The following ST3GAL1 variants were observed in gnomAD, a reference collection of about 807,000 sequenced individuals.
The protein encoded by ST3GAL1 is ST3 beta-galactoside alpha-2,3-sialyltransferase 1, also known as CMP-N-acetylneuraminate-beta-galactosamide-alpha-2,3-sialyltransferase 1.
In ST3GAL1, 16 loss-of-function variants were observed where a neutral mutation model predicts 34.1. The ratio of observed to expected loss-of-function variants is 0.47; its 90% CI spans 0.32 to 0.71. The LOEUF (loss-of-function observed/expected upper bound fraction) is 0.71, where lower values mean the gene tolerates loss of function less well. ST3GAL1 is among the 30% of genes least tolerant of loss of function. The pLI is 0.04. For synonymous variants in ST3GAL1, 191 were observed against 184.7 expected, an observed-to-expected ratio of 1.03 and a Z score of -0.28; for missense variants, 353 against 447.4, an observed-to-expected ratio of 0.79 and a Z score of 1.90.
intron 3 of ST3GAL1, among the ~76,000 whole-genome samples, chr8:133,490,804 T>C (rs979340357): frequency 6.6e-6 from 1 of 152,150 alleles, no homozygotes; most frequent in East Asian, 1.9e-4. Flanking sequence ...ACAGTAGTGA[T>C]TGCAACTGGC....
At chr8:133,483,125 C>T (rs1012281761) in intron 3 of ST3GAL1, among the ~76,000 whole-genome samples, 12 of 152,072 alleles carry the variant, frequency 7.9e-5, no homozygotes, top group Non-Finnish European at 1.3e-4. Context: ...GCGGATCACT[C>T]GAGGTCAGGA....
In ST3GAL1 at chr8:133,461,905, CGAGAG is replaced by C. The variant is rs1815525793; in HGVS notation, c.814_818del (p.Leu272GlyfsTer10). On this transcript the variant is annotated frameshift_variant, in exon 9 of 10. Transcript: ENST00000522652. LOFTEE classifies it high-confidence loss of function. The surrounding 1 kb of genome is among the most constrained non-coding windows in gnomAD (Gnocchi z 4.7). ...CGCAGACATGCATTGAGAAGATGAC[CGAGAG>C]GATGCCGGTAGATGGGTATCGCCCG... is the stretch of plus-strand genomic sequence containing the variant. The C allele has an allele frequency of 6.2e-7, 1 of 1,613,788 alleles. No individual in the cohort carries two copies. Among genetic ancestry groups the C allele is most frequent in the Non-Finnish European group, 8.5e-7 (1 of 1,179,916 alleles).
At chr8:133,473,607 G>A (rs1816048559) in intron 5 of ST3GAL1, among the ~76,000 whole-genome samples, 1 of 152,222 alleles carries the variant, frequency 6.6e-6, no homozygotes, top group Non-Finnish European at 1.5e-5. Flanking sequence ...GGATGTGTGT[G>A]AAGCCACCTC....
Position 133,570,071 on chromosome 8 carries a change from C to G in ST3GAL1, c.-582+1622G>C, listed in dbSNP as rs1045014113. 3.9e-5 allele frequency: 6 copies of G among 152,324 alleles called. No homozygotes were observed. The highest frequency in any genetic ancestry group is 1.4e-4 in the African/African-American group (6 of 41,472). 9.4% of individuals were successfully genotyped at this position (152,324 alleles called of 1,614,324 possible). A position where few individuals can be genotyped will look rare whatever the true frequency, so the allele number is the denominator to read the frequency against. ...GCGTTAGCACCTACGACGTGCCAGG[C>G]GCCCTGGCGACTATTGGAAAACCCG... On this transcript the variant is annotated intron_variant, in intron 1 of 9. Transcript: ENST00000522652. This position sits in a 1 kb window ranked among gnomAD's most constrained non-coding sequence, Gnocchi z 5.6.
rs1372920599 is a variant in ST3GAL1, at chr8:133,461,834, A to G, written c.849+41T>C. On this transcript the variant is annotated intron_variant, in intron 9 of 9. Transcript: ENST00000522652. This position sits in a 1 kb window ranked among gnomAD's most constrained non-coding sequence, Gnocchi z 4.7. ...CCTCTCTTGGGAACACAGGACGGTG[A>G]GCTTCGAGGCAGCCCTGTGGGCAGG... The G allele has an allele frequency of 6.2e-7, 1 of 1,612,212 alleles. No individual in the cohort carries two copies. The highest frequency in any genetic ancestry group is 8.5e-7 in the Non-Finnish European group (1 of 1,178,950).
At chr8:133,516,173 G>A (rs1817641683) in intron 2 of ST3GAL1, 1 of 152,210 alleles carries the variant, frequency 6.6e-6, no homozygotes, top group East Asian at 1.9e-4. Flanking sequence ...GCCTTTAATG[G>A]GGGTAAGTCT....
chr8:133,505,109 A>G (rs1386669805), intron 2 of ST3GAL1, among the ~76,000 whole-genome samples: 1 of 152,182 alleles, frequency 6.6e-6, no homozygotes, highest in Non-Finnish European at 1.5e-5. Flanking sequence ...TATCCAATGC[A>G]GGATCCATGG....
intron 2 of ST3GAL1, among the ~76,000 whole-genome samples, chr8:133,541,602 C>T (rs3864661): frequency 7.2e-5 from 11 of 151,986 alleles, no homozygotes; most frequent in African/African-American, 1.9e-4. Context: ...TACACTGTGA[C>T]GGCCAGACAC....
At chr8:133,514,579 G>A (rs1164698374) in intron 2 of ST3GAL1, among the ~76,000 whole-genome samples, 1 of 152,090 alleles carries the variant, frequency 6.6e-6, no homozygotes, top group African/African-American at 2.4e-5. Flanking sequence ...CTCTCCTAGT[G>A]GGATGGTAAA....
chr8:133,491,705 A>T (rs1030727791), intron 3 of ST3GAL1, among the ~76,000 whole-genome samples: 6 of 152,172 alleles, frequency 3.9e-5, no homozygotes, highest in Admixed American at 6.5e-5. Flanking sequence ...AGCTACTACA[A>T]TGGCGAGGCA....
At chr8:133,495,215 G>A (rs972624611) in intron 3 of ST3GAL1, among the ~76,000 whole-genome samples, 14 of 152,142 alleles carry the variant, frequency 9.2e-5, no homozygotes, top group African/African-American at 1.4e-4. Flanking sequence ...ACCGTGCCCA[G>A]CCTCCTCTAT....
intron 2 of ST3GAL1, among the ~76,000 whole-genome samples, chr8:133,537,736 G>C (rs762866419): frequency 6.6e-6 from 1 of 152,138 alleles, no homozygotes; most frequent in Non-Finnish European, 1.5e-5. Context: ...AGAAAACAAG[G>C]CCCTGCATGA....
chr8:133,465,848 C>T (rs575872867), intron 6 of ST3GAL1, 46 bp downstream of exon 6: 1 of 1,575,512 alleles, frequency 6.3e-7, no homozygotes, highest in Non-Finnish European at 8.6e-7. Context: ...CTCCAAGGGG[C>T]CCCTGGGTGC....
In ST3GAL1 at chr8:133,466,214, C is replaced by T. The variant is rs770942920; in HGVS notation, c.307-124G>A. The T allele has an allele frequency of 2.3e-5, 23 of 982,898 alleles. 1 individual carries two copies. The highest frequency in any genetic ancestry group is 8.5e-5 in the South Asian group (5 of 58,684). 60.9% of individuals were successfully genotyped at this position (982,898 alleles called of 1,614,324 possible). On this transcript the variant is annotated intron_variant, in intron 5 of 9. Transcript: ENST00000522652. The surrounding 1 kb of genome is among the most constrained non-coding windows in gnomAD (Gnocchi z 4.4). ...CCTGTTCACCCTTCTCTCTGCTGGG[C>T]CCCCGGAGATGGAGGCGGCTCACAC...
intron 1 of ST3GAL1, among the ~76,000 whole-genome samples, chr8:133,568,267 G>A (rs982550530): frequency 2.0e-5 from 3 of 152,134 alleles, no homozygotes; most frequent in African/African-American, 4.8e-5. Context: ...GCCTGGAATA[G>A]TTTGGGAGCC....
Position 133,538,318 on chromosome 8 carries a change from C to G in ST3GAL1, c.-429+7456G>C, listed in dbSNP as rs142909829. 6.0e-3 allele frequency among the ~76,000 whole-genome samples: 919 copies of G among 152,296 alleles called. 3 individuals carry two copies. The highest frequency in any genetic ancestry group is 0.01 in the Middle Eastern group (3 of 294). On this transcript the variant is annotated intron_variant, in intron 2 of 9. Transcript: ENST00000522652. ...TCACCTGAGGTCAGGAGTTCGAGAT[C>G]GGCCTGGCCAACATGGCGAAACCCC...
intron 2 of ST3GAL1, among the ~76,000 whole-genome samples, chr8:133,523,532 T>C (rs757710509): frequency 6.6e-6 from 1 of 152,198 alleles, no homozygotes; most frequent in Non-Finnish European, 1.5e-5. Flanking sequence ...ACTGGAAGGA[T>C]GCATCAGGAG....
chr8:133,563,362 C>T (rs1011830529), intron 1 of ST3GAL1, among the ~76,000 whole-genome samples: 16 of 152,134 alleles, frequency 1.1e-4, no homozygotes, highest in Admixed American at 7.2e-4. Flanking sequence ...ATATTTTATA[C>T]TCCATTAAGG....
chr8:133,477,129 A>G (rs981757752), intron 3 of ST3GAL1, among the ~76,000 whole-genome samples: 11 of 152,198 alleles, frequency 7.2e-5, no homozygotes, highest in African/African-American at 2.2e-4. Context: ...CCAGCTGTGG[A>G]GCCTTGGGAA....
Sources: gnomAD v4.1 joint callset for allele counts (sites outside exome capture counted in the v4.1 genomes callset) on GRCh38, gnomAD v4.1.1 for gene constraint, Gnocchi (gnomAD v3.1) non-coding constraint, MANE v1.5 for transcripts, NCBI Gene and HGNC (gene_info 2026-07-23, HGNC 2026-07-21) for gene names.